The following COL11A2 variants were observed in gnomAD, a reference collection of about 807,000 sequenced individuals.
COL11A2 encodes the protein collagen type XI alpha 2 chain.
Under a neutral mutation model 273.4 loss-of-function variants are expected in COL11A2, and 116 were observed. The ratio of observed to expected loss-of-function variants is 0.42; its 90% CI spans 0.36 to 0.49. COL11A2 has a LOEUF of 0.49. COL11A2 is among the 20% of genes least tolerant of loss of function. COL11A2 has a pLI of 0.00. For missense variants in COL11A2, 1,866 were observed against 2,309.0 expected (o/e 0.81, Z 3.93); for synonymous variants, 782 against 864.2 (o/e 0.90, Z 1.67).
intron 5 of COL11A2, 26 bp downstream of exon 5, chr6:33,186,601 C>T (rs1290331330): frequency 6.2e-7 from 1 of 1,614,132 alleles, no homozygotes; most frequent in East Asian, 2.2e-5. Context: ...GTGTGCTGCA[C>T]TTGGGGGTTC....
chr6:33,164,170 C>A lies in COL11A2; in HGVS notation c.5070+97G>T. On this transcript the variant is annotated intron_variant, in intron 65 of 65. Coordinates refer to ENST00000341947, the MANE Select transcript of COL11A2 (RefSeq NM_080680.3). This position sits in a 1 kb window ranked among gnomAD's most constrained non-coding sequence, Gnocchi z 4.7. ...ACAATCCAGCAGGACGGACTCCTCC[C>A]TGCTCCCCCTGGGTGCCCTGCCCAA... is the stretch of plus-strand genomic sequence containing the variant. 7.1e-7 allele frequency: 1 copy of A among 1,404,160 alleles called. No homozygotes were observed. Among genetic ancestry groups the A allele is most frequent in the Non-Finnish European group, 9.8e-7 (1 of 1,024,138 alleles). 87.0% of individuals were successfully genotyped at this position (1,404,160 alleles called of 1,614,324 possible).
chr6:33,187,977 C>T (rs1329126634), intron 4 of COL11A2, among the ~76,000 whole-genome samples: 1 of 151,724 alleles, frequency 6.6e-6, no homozygotes, highest in Admixed American at 6.6e-5. Flanking sequence ...GGATATAAGC[C>T]TTCATGCATG....
In COL11A2 at chr6:33,177,789, T is replaced by A. The variant is rs1445840633; in HGVS notation, c.1873-83A>T. ...TCAGAGGCCCGGCCATTCCCGAGGG[T>A]GTGACGGTCAGACCTCCAATCCATC... is the stretch of plus-strand genomic sequence containing the variant. On this transcript the variant is annotated intron_variant, in intron 21 of 65. Coordinates refer to ENST00000341947, the MANE Select transcript of COL11A2 (RefSeq NM_080680.3). The surrounding 1 kb of genome is among the most constrained non-coding windows in gnomAD (Gnocchi z 5.9). The A allele has an allele frequency of 2.7e-6, 4 of 1,493,756 alleles. No homozygotes were observed. Among genetic ancestry groups the A allele is most frequent in the Non-Finnish European group, 3.7e-6 (4 of 1,077,718 alleles). 92.5% of individuals were successfully genotyped at this position (1,493,756 alleles called of 1,614,324 possible). A position where few individuals can be genotyped will look rare whatever the true frequency, so the allele number is the denominator to read the frequency against.
chr6:33,174,654 T>A, intron 30 of COL11A2, 74 bp from the exon 31 acceptor site: 4 of 1,452,362 alleles, frequency 2.8e-6, no homozygotes, highest in Non-Finnish European at 3.8e-6. Flanking sequence ...ACCTCAACCC[T>A]CACATATAAC....
intron 5 of COL11A2, among the ~76,000 whole-genome samples, chr6:33,186,036 G>T (rs1362557179): frequency 1.3e-5 from 2 of 151,874 alleles, no homozygotes; most frequent in African/African-American, 4.8e-5. Context: ...CTGATCTTTA[G>T]ACCACTGACC....
chr6:33,178,889 C>T lies in COL11A2; in HGVS notation c.1665+31G>A, dbSNP rs572772914. On this transcript the variant is annotated intron_variant, in intron 17 of 65. Transcript: ENST00000341947. This position sits in a 1 kb window ranked among gnomAD's most constrained non-coding sequence, Gnocchi z 4.6. ...TGAGCCCAGCGTGGGCTGAAGGCTACAGGCTTCAGGGAGGGGCCCAAGCCT... is the reference window on the plus strand; with the variant it reads ...TGAGCCCAGCGTGGGCTGAAGGCTATAGGCTTCAGGGAGGGGCCCAAGCCT... 1.9e-5 allele frequency: 31 copies of T among 1,613,554 alleles called. No individual in the cohort carries two copies. The South Asian group carries it at 2.2e-4, about 11-fold the overall frequency.
Position 33,171,987 on chromosome 6 carries a change from C to T in COL11A2, c.3042+63G>A, listed in dbSNP as rs1233181518. 68 of 1,594,434 alleles carry T rather than the reference C, an allele frequency of 4.3e-5. 1 individual carries two copies. The South Asian group carries it at 7.1e-4, about 17-fold the overall frequency. On this transcript the variant is annotated intron_variant, in intron 41 of 65. Transcript: ENST00000341947. ...CCCTGGTGGTATCAGAATGCCACTC[C>T]CACCCTTCCTCACCCACCCCTTTCC...
At position 33,169,976 on chromosome 6, in the gene COL11A2, C is replaced by T; in HGVS notation, c.3636+71G>A. 1 of 1,612,684 alleles carries T rather than the reference C, an allele frequency of 6.2e-7. No individual in the cohort carries two copies. The highest frequency in any genetic ancestry group is 8.5e-7 in the Non-Finnish European group (1 of 1,178,894). ...ATCTCATTCTCTTTTGTCTCCCCAC[C>T]CAAAATTGGCAGAAATCCAACTCCC... On this transcript the variant is annotated intron_variant, in intron 49 of 65. Coordinates refer to ENST00000341947, the MANE Select transcript of COL11A2 (RefSeq NM_080680.3). The surrounding 1 kb of genome is among the most constrained non-coding windows in gnomAD (Gnocchi z 5.5).
rs1189897069 is a variant in COL11A2, at chr6:33,179,311, T to C, written c.1504-27A>G. On this transcript the variant is annotated intron_variant, in intron 14 of 65. Transcript: ENST00000341947. The surrounding 1 kb of genome is among the most constrained non-coding windows in gnomAD (Gnocchi z 6.4). ...TGGGAGAGAGAAGAGAGGATGGCCG[T>C]AAGGAAGGACACAGCCAACAGTGGC... 2 of 1,603,656 alleles carry C rather than the reference T, an allele frequency of 1.2e-6. No individual in the cohort carries two copies. Among genetic ancestry groups the C allele is most frequent in the Admixed American group, 1.7e-5 (1 of 57,842 alleles).
rs1769842563 is a variant in COL11A2 at position 33,170,293 on chromosome 6, T to C, written c.3582+33A>G. 1 of 1,610,482 alleles carries C rather than the reference T, an allele frequency of 6.2e-7. No individual in the cohort carries two copies. The highest frequency in any genetic ancestry group is 1.7e-5 in the Admixed American group (1 of 59,638). On this transcript the variant is annotated intron_variant, in intron 48 of 65. Transcript: ENST00000341947. This position sits in a 1 kb window ranked among gnomAD's most constrained non-coding sequence, Gnocchi z 4.3. ...AAGGGAGGCAGAAGACCAGACACAT[T>C]GGTCTCAAGGGACAGGGGCTGAGAT... is the stretch of plus-strand genomic sequence containing the variant.
rs1773222942 is a variant in COL11A2, at chr6:33,192,251, C to T, written c.-11G>A. 6.4e-7 allele frequency: 1 copy of T among 1,553,364 alleles called. No homozygotes were observed. The highest frequency in any genetic ancestry group is 2.4e-5 in the East Asian group (1 of 41,538). On this transcript the variant is annotated 5_prime_UTR_variant, in exon 1 of 66. Coordinates refer to ENST00000341947, the MANE Select transcript of COL11A2 (RefSeq NM_080680.3). ...GCTGCACCGCTCCATGGCTGAGAAG[C>T]CGAAACGCCGGGTCCCAGGGACCCA...
rs73408005 is a variant in COL11A2 at position 33,164,537 on chromosome 6, G to A, written c.4864-64C>T. The A allele has an allele frequency of 0.054, 73,662 of 1,355,702 alleles. 3,902 individuals are homozygous for A. Among genetic ancestry groups the A allele is most frequent in the African/African-American group, 0.26 (18,018 of 68,428 alleles). The allele number at this position is 1,355,702 out of a possible 1,614,324, so 84.0% of individuals were successfully genotyped here. On this transcript the variant is annotated intron_variant, in intron 64 of 65. Coordinates refer to ENST00000341947, the MANE Select transcript of COL11A2 (RefSeq NM_080680.3). The surrounding 1 kb of genome is among the most constrained non-coding windows in gnomAD (Gnocchi z 4.7). ...AGAGGGCTGGCCTCAGAGGGAGACA[G>A]AGACGGGCCTCAGGAGCATCTACGG...
In COL11A2 at chr6:33,185,148, G is replaced by A. The variant is rs1364536628; in HGVS notation, c.877-94C>T. The A allele has an allele frequency of 1.2e-5, 11 of 914,578 alleles. No homozygotes were observed. The East Asian group carries it at 2.1e-4, about 17-fold the overall frequency. 56.7% of individuals were successfully genotyped at this position (914,578 alleles called of 1,614,324 possible). A position where few individuals can be genotyped will look rare whatever the true frequency, so the allele number is the denominator to read the frequency against. On this transcript the variant is annotated intron_variant, in intron 6 of 65. Transcript: ENST00000341947. ...AGGCAAAGCAGCACCTGTCCCCCGA[G>A]GGCAGGGTCTGTCTGTGCTGGGGGA...
In COL11A2 at chr6:33,167,108, G is replaced by A. The variant is rs771223069; in HGVS notation, c.4192C>T (p.Pro1398Ser). ...PPGPVGPPGLPGLRGDAGAKG... is the reference protein window; with the variant it reads ...PPGPVGPPGLSGLRGDAGAKG... The stretch of plus-strand genomic sequence containing the variant: ...GCTCCAGCATCGCCCCGGAGACCAG[G>A]CAGCCCTGGGGGTCCCTGTGGAGAG... The change falls in exon 58 of 66, where the codon CCT becomes TCT. Residue 1398 changes from proline to serine, a missense_variant. Transcript: ENST00000341947. This position sits in a 1 kb window ranked among gnomAD's most constrained non-coding sequence, Gnocchi z 6.1. 3 of 1,614,128 alleles carry A rather than the reference G, an allele frequency of 1.9e-6. No homozygotes were observed. The highest frequency in any genetic ancestry group is 2.2e-5 in the South Asian group (2 of 91,084).
chr6:33,167,279 C>T lies in COL11A2; in HGVS notation c.4161G>A (p.Gly1387=). The T allele has an allele frequency of 6.2e-7, 1 of 1,614,036 alleles. No individual in the cohort carries two copies. The highest frequency in any genetic ancestry group is 8.5e-7 in the Non-Finnish European group (1 of 1,180,012). Residue 1387 remains glycine (G), a synonymous_variant, in exon 57 of 66, where the codon GGG becomes GGA. Transcript: ENST00000341947. This position sits in a 1 kb window ranked among gnomAD's most constrained non-coding sequence, Gnocchi z 6.1. ...QGRPGATGQA[G]PPGPVGPPGL... is the part of the protein sequence containing the mutation. ...AGTCACTCACCACAGGACCTGGGGGCCCAGCCTGGCCTGTAGCTCCAGGTC... is the reference window on the plus strand; with the variant it reads ...AGTCACTCACCACAGGACCTGGGGGTCCAGCCTGGCCTGTAGCTCCAGGTC...
rs1366330405 is a variant in COL11A2, at chr6:33,167,400, C to G, written c.4122+26G>C. The G allele has an allele frequency of 6.2e-7, 1 of 1,612,394 alleles. No homozygotes were observed. The highest frequency in any genetic ancestry group is 8.5e-7 in the Non-Finnish European group (1 of 1,179,736). ...CCATGGCCCCTCACTCCCACCCCAG[C>G]CCAGCCCTTCCCTGCAGTGACTCAC... On this transcript the variant is annotated intron_variant, in intron 56 of 65. Coordinates refer to ENST00000341947, the MANE Select transcript of COL11A2 (RefSeq NM_080680.3). This position sits in a 1 kb window ranked among gnomAD's most constrained non-coding sequence, Gnocchi z 6.1.
Position 33,178,303 on chromosome 6 carries a change from C to T in COL11A2, c.1818+5G>A. 1 of 1,612,872 alleles carries T rather than the reference C, an allele frequency of 6.2e-7. No individual in the cohort carries two copies. Among genetic ancestry groups the T allele is most frequent in the Non-Finnish European group, 8.5e-7 (1 of 1,179,942 alleles). ...CTCCCCCAGCACCAGCCCTTGGACACTCACCGACTCTCCAGGCAGCCCTCG... is the reference window on the plus strand; with the variant it reads ...CTCCCCCAGCACCAGCCCTTGGACATTCACCGACTCTCCAGGCAGCCCTCG... On this transcript the variant is annotated splice_donor_5th_base_variant and intron_variant, in intron 20 of 65. Transcript: ENST00000341947. This position sits in a 1 kb window ranked among gnomAD's most constrained non-coding sequence, Gnocchi z 4.6.
intron 8 of COL11A2, among the ~76,000 whole-genome samples, chr6:33,182,799 C>A (rs1193191400): frequency 6.6e-6 from 1 of 152,018 alleles, no homozygotes; most frequent in Admixed American, 6.6e-5. Flanking sequence ...CCAGTTCCCT[C>A]CCTTGCACAC....
Position 33,189,206 on chromosome 6 carries a change from TAC to T in COL11A2, c.233-20_233-19del, listed in dbSNP as rs751252352. On this transcript the variant is annotated intron_variant, in intron 2 of 65. Transcript: ENST00000341947. The surrounding 1 kb of genome is among the most constrained non-coding windows in gnomAD (Gnocchi z 5.6). ...AAATCCTCCTAGTAACCGAGAGAGA[TAC>T]ACACAGAGTGAGAGGCAAAGGGAGC... 1.2e-6 allele frequency: 2 copies of T among 1,613,226 alleles called. No individual in the cohort carries two copies. The highest frequency in any genetic ancestry group is 1.1e-5 in the South Asian group (1 of 91,018).
Sources: allele counts gnomAD v4.1 joint callset (sites outside exome capture counted in the v4.1 genomes callset), GRCh38; gene constraint gnomAD v4.1.1; non-coding constraint Gnocchi (gnomAD v3.1); transcripts MANE v1.5; gene names NCBI Gene and HGNC (gene_info 2026-07-23, HGNC 2026-07-21).